Variants in DOCK8 observed in about 807,000 individuals in gnomAD.
The protein encoded by DOCK8 is dedicator of cytokinesis protein 8.
A neutral mutation model predicts 245.6 loss-of-function variants in DOCK8; 141 were observed. The observed-to-expected ratio is 0.57, with a 90% CI of 0.50 to 0.66. DOCK8 has a LOEUF of 0.66. DOCK8 is among the 30% of genes least tolerant of loss of function. The probability of loss-of-function intolerance (pLI) is 0.00; values close to 1 mark genes in which losing one functional copy is unlikely to be tolerated. For missense variants in DOCK8, 2,965 were observed against 2,603.4 expected, an observed-to-expected ratio of 1.14 and a Z score of -3.02; for synonymous variants, 1,168 against 970.2, an observed-to-expected ratio of 1.20 and a Z score of -3.79.
intron 46 of DOCK8, chr9:452,667 TATA>T (rs1206317152): frequency 6.6e-6 from 1 of 152,402 alleles, no homozygotes. Context: ...TTACAAATCT[TATA>T]ATATCTTATT....
chr9:360,036 C>T (rs1286800091), intron 14 of DOCK8, among the ~76,000 whole-genome samples: 2 of 152,080 alleles, frequency 1.3e-5, no homozygotes. Context: ...ATAAAATAGG[C>T]CAAGTATGGT....
intron 16 of DOCK8, among the ~76,000 whole-genome samples, chr9:370,875 G>A (rs1253592342): frequency 7.9e-5 from 12 of 152,214 alleles, no homozygotes; most frequent in Admixed American, 6.5e-4. Flanking sequence ...CTTCATTTAA[G>A]CACATTCTGG....
intron 1 of DOCK8, chr9:215,503 C>G (rs902441668): frequency 7.0e-6 from 10 of 1,428,848 alleles, no homozygotes; most frequent in Non-Finnish European, 9.2e-6. Flanking sequence ...TCGTCCTGAG[C>G]AAGGCTCCGT....
At chr9:446,947 C>G (rs2057283740) in intron 44 of DOCK8, among the ~76,000 whole-genome samples, 1 of 151,608 alleles carries the variant, frequency 6.6e-6, no homozygotes, top group African/African-American at 2.4e-5. Context: ...TAAAATTTTT[C>G]TATATTTCAA....
intron 14 of DOCK8, among the ~76,000 whole-genome samples, chr9:359,340 T>C (rs1317287506): frequency 6.6e-6 from 1 of 152,238 alleles, no homozygotes; most frequent in Non-Finnish European, 1.5e-5. Flanking sequence ...CTGTGTTACC[T>C]GGTACAAGTT....
chr9:341,087 C>G (rs941316371), intron 14 of DOCK8, among the ~76,000 whole-genome samples: 15 of 152,226 alleles, frequency 9.9e-5, no homozygotes, highest in African/African-American at 3.6e-4. Flanking sequence ...ACAGAAAGTT[C>G]TGTATGTGTG....
intron 14 of DOCK8, among the ~76,000 whole-genome samples, chr9:350,612 A>G (rs1181776346): frequency 6.6e-6 from 1 of 152,216 alleles, no homozygotes; most frequent in Non-Finnish European, 1.5e-5. Flanking sequence ...GAGCCAACCC[A>G]CGGAGGAAGG....
chr9:390,155 C>T (rs2054125129), intron 23 of DOCK8, among the ~76,000 whole-genome samples: 1 of 152,112 alleles, frequency 6.6e-6, no homozygotes, highest in South Asian at 2.1e-4. Flanking sequence ...GAAAGTAAGA[C>T]AGTACCAGTT....
chr9:404,745 A>G (rs185539133), intron 26 of DOCK8, among the ~76,000 whole-genome samples, 173 bp from the exon 27 acceptor site: 4 of 152,178 alleles, frequency 2.6e-5, no homozygotes, highest in Non-Finnish European at 4.4e-5. Flanking sequence ...AATGAATGAA[A>G]ATTTATTAGA....
At chr9:395,939 C>T (rs966887932) in intron 24 of DOCK8, among the ~76,000 whole-genome samples, 3 of 151,604 alleles carry the variant, frequency 2.0e-5, no homozygotes, top group African/African-American at 7.3e-5. Flanking sequence ...TGTCAGTTGA[C>T]GAATTGTTTG....
intron 23 of DOCK8, among the ~76,000 whole-genome samples, chr9:389,596 CAG>C (rs2054096605): frequency 4.7e-5 from 3 of 64,492 alleles, no homozygotes; most frequent in African/African-American, 3.8e-4. Flanking sequence ...CCTGGACCAG[CAG>C]CAGCAGCAGC....
At chr9:354,032 G>A (rs1274383817) in intron 14 of DOCK8, among the ~76,000 whole-genome samples, 1 of 152,118 alleles carries the variant, frequency 6.6e-6, no homozygotes, top group Non-Finnish European at 1.5e-5. Context: ...ACTATTTTGT[G>A]ATTAAGAATA....
At chr9:376,953 G>A in intron 19 of DOCK8, 24 bp from the exon 20 acceptor site, 1 of 1,604,466 alleles carries the variant, frequency 6.2e-7, no homozygotes, top group Non-Finnish European at 8.5e-7. Flanking sequence ...AAAACCCCAT[G>A]AGGCCTGCCT....
intron 27 of DOCK8, 128 bp from the exon 28 acceptor site, chr9:406,802 C>G (rs1352400614): frequency 1.8e-6 from 2 of 1,135,134 alleles, no homozygotes; most frequent in African/African-American, 2.7e-5. Flanking sequence ...TTATCTGGCA[C>G]CAGAGTACCT....
rs2054487143 is a variant in DOCK8, at chr9:396,884, G to C, written c.3070G>C (p.Val1024Leu). ...TTTCATGGATGACATAACTACTATT[G>C]TTAATGTGGTCACCTCGGAAATTGC... ...DRFMDDITTI[V>L]NVVTSEIAAL... Residue 1024 changes from valine to leucine, a missense_variant, in exon 25 of 48, where the codon GTT becomes CTT. Around this residue, in one of 3 missense-constraint regions of DOCK8, gnomAD observed 2,825 missense variants for 2,453.5 expected, o/e 1.15. Coordinates refer to ENST00000432829, the MANE Select transcript of DOCK8 (RefSeq NM_203447.4). 6.2e-7 allele frequency: 1 copy of C among 1,614,032 alleles called. No homozygotes were observed. Among genetic ancestry groups the C allele is most frequent in the East Asian group, 2.2e-5 (1 of 44,888 alleles).
At chr9:282,971 C>T (rs1049287789) in intron 2 of DOCK8, among the ~76,000 whole-genome samples, 3 of 152,130 alleles carry the variant, frequency 2.0e-5, no homozygotes, top group Middle Eastern at 6.3e-3. Flanking sequence ...CTCTGAGCAG[C>T]CAATCTTATG....
chr9:411,284 G>A (rs2055713580), intron 28 of DOCK8, among the ~76,000 whole-genome samples: 1 of 151,984 alleles, frequency 6.6e-6, no homozygotes, highest in Admixed American at 6.6e-5. Flanking sequence ...GTGGTGGCGG[G>A]AACCTGTAAT....
intron 10 of DOCK8, among the ~76,000 whole-genome samples, chr9:332,807 G>A (rs534478838): frequency 2.8e-4 from 42 of 151,892 alleles, no homozygotes; most frequent in Admixed American, 5.2e-4. Context: ...ACAGGCACAT[G>A]CCACCATGCT....
chr9:332,978 A>T (rs372851839), intron 10 of DOCK8, among the ~76,000 whole-genome samples: 27 of 152,112 alleles, frequency 1.8e-4, no homozygotes, highest in Non-Finnish European at 4.0e-4. Flanking sequence ...TTTTTAGAGA[A>T]ATAAATCCTT....
Sources: gnomAD v4.1 joint callset for allele counts (sites outside exome capture counted in the v4.1 genomes callset) on GRCh38, gnomAD v4.1.1 for gene constraint, gnomAD v4.1.1 regional missense constraint, MANE v1.5 for transcripts, NCBI Gene and HGNC (gene_info 2026-07-23, HGNC 2026-07-21) for gene names.